Variants in CDH12 observed in about 807,000 individuals in gnomAD.
CDH12 encodes cadherin 12.
In CDH12, 41 loss-of-function variants were observed where a neutral mutation model predicts 74.1. The observed-to-expected ratio is 0.55, with a 90% CI of 0.43 to 0.72. CDH12 has a LOEUF of 0.72. CDH12 is among the 30% of genes least tolerant of loss of function. The probability of loss-of-function intolerance (pLI) is 0.00; values close to 1 mark genes in which losing one functional copy is unlikely to be tolerated. For synonymous variants in CDH12, 399 were observed against 355.0 expected (o/e 1.12, Z -1.39); for missense variants, 945 against 977.2 (o/e 0.97, Z 0.44).
At chr5:22,017,890 G>T (rs866500601) in intron 5 of CDH12, among the ~76,000 whole-genome samples, 4 of 151,748 alleles carry the variant, frequency 2.6e-5, no homozygotes, top group African/African-American at 9.7e-5. Context: ...CTCCCGAGTA[G>T]CTGGGATTAA....
chr5:22,661,884 T>A (rs1231190527), intron 1 of CDH12, among the ~76,000 whole-genome samples: 2 of 152,168 alleles, frequency 1.3e-5, no homozygotes, highest in Non-Finnish European at 2.9e-5. Context: ...ATTGCTTGAA[T>A]GTATACAAAT....
intron 4 of CDH12, among the ~76,000 whole-genome samples, chr5:22,090,495 A>T (rs1454548711): frequency 1.3e-5 from 2 of 151,586 alleles, no homozygotes; most frequent in East Asian, 3.9e-4. Context: ...ACTCAAAAAA[A>T]AAAAAAAGAA....
intron 1 of CDH12, among the ~76,000 whole-genome samples, chr5:22,694,168 A>T (rs773608513): frequency 1.5e-4 from 23 of 152,282 alleles, no homozygotes; most frequent in Admixed American, 8.5e-4. Flanking sequence ...TCTTTCATCA[A>T]TATAAAACAA....
intron 1 of CDH12, among the ~76,000 whole-genome samples, chr5:22,808,929 G>A (rs1264593378): frequency 6.6e-6 from 1 of 151,632 alleles, no homozygotes; most frequent in Non-Finnish European, 1.5e-5. Flanking sequence ...TTTTCTAACA[G>A]CCAAGTCTTC....
chr5:22,765,778 T>G (rs1271829655), intron 1 of CDH12, among the ~76,000 whole-genome samples: 1 of 151,948 alleles, frequency 6.6e-6, no homozygotes, highest in Non-Finnish European at 1.5e-5. Flanking sequence ...GCAAATATCA[T>G]GTATTTGCTT....
At chr5:21,923,569 T>C (rs1459346367) in intron 6 of CDH12, among the ~76,000 whole-genome samples, 1 of 152,168 alleles carries the variant, frequency 6.6e-6, no homozygotes, top group African/African-American at 2.4e-5. Context: ...GTATCTGTTA[T>C]GTTTCTTTAT....
intron 1 of CDH12, among the ~76,000 whole-genome samples, chr5:22,523,868 C>A (rs1178594704): frequency 2.0e-5 from 3 of 152,080 alleles, no homozygotes; most frequent in Admixed American, 6.5e-5. Context: ...GGATTTAAGT[C>A]AGATCTCATT....
chr5:22,683,257 T>C (rs1182952743), intron 1 of CDH12, among the ~76,000 whole-genome samples: 1 of 152,186 alleles, frequency 6.6e-6, no homozygotes, highest in Non-Finnish European at 1.5e-5. Context: ...ATTTCTTCTA[T>C]GCTGAAATCC....
intron 1 of CDH12, among the ~76,000 whole-genome samples, chr5:22,816,358 T>C (rs562221948): frequency 1.3e-5 from 2 of 152,282 alleles, no homozygotes; most frequent in East Asian, 3.9e-4. Flanking sequence ...CTTACAGGTC[T>C]ATTTCTTCCT....
In CDH12 at chr5:21,823,093, T is replaced by C. The variant is rs189318767; in HGVS notation, c.815-5961A>G. ...TCATGGAATGACAAGGAAAAACACA[T>C]AAACAAAAAGACAAGTGTTTTTCTT... is the stretch of plus-strand genomic sequence containing the variant. On this transcript the variant is annotated intron_variant, in intron 8 of 14. Coordinates refer to ENST00000382254, the MANE Select transcript of CDH12 (RefSeq NM_004061.5). 1.4e-3 allele frequency among the ~76,000 whole-genome samples: 207 copies of C among 152,158 alleles called. 1 individual carries two copies. The Middle Eastern group carries it at 0.014, about 10-fold the overall frequency.
At chr5:22,614,190 T>C (rs1316789996) in intron 1 of CDH12, among the ~76,000 whole-genome samples, 1 of 152,148 alleles carries the variant, frequency 6.6e-6, no homozygotes, top group Non-Finnish European at 1.5e-5. Context: ...TACATATCTA[T>C]GATAAACCAA....
intron 4 of CDH12, among the ~76,000 whole-genome samples, chr5:22,107,646 C>A (rs1744554967): frequency 6.6e-6 from 1 of 151,920 alleles, no homozygotes; most frequent in South Asian, 2.1e-4. Flanking sequence ...ACTGAAAAAT[C>A]TTTTATATCA....
chr5:22,058,745 A>G (rs1740940329), intron 5 of CDH12, among the ~76,000 whole-genome samples: 2 of 146,482 alleles, frequency 1.4e-5, no homozygotes. Context: ...GAAAAAAAGG[A>G]AGGAAAGTGG....
chr5:22,176,900 C>T (rs1156664065), intron 4 of CDH12, among the ~76,000 whole-genome samples: 1 of 152,094 alleles, frequency 6.6e-6, no homozygotes, highest in Non-Finnish European at 1.5e-5. Context: ...TGCCCTTTCC[C>T]TCGATATCTT....
intron 6 of CDH12, among the ~76,000 whole-genome samples, chr5:21,963,794 T>C (rs1391282174): frequency 6.6e-6 from 1 of 152,088 alleles, no homozygotes; most frequent in Non-Finnish European, 1.5e-5. Context: ...GAGAAATAAA[T>C]GTATTTGTTT....
At chr5:22,137,195 G>A (rs1340633998) in intron 4 of CDH12, among the ~76,000 whole-genome samples, 1 of 151,894 alleles carries the variant, frequency 6.6e-6, no homozygotes, top group Middle Eastern at 3.2e-3. Context: ...AACACATATT[G>A]TTTGAACTTT....
intron 3 of CDH12, among the ~76,000 whole-genome samples, chr5:22,275,873 C>A (rs1736611897): frequency 6.6e-6 from 1 of 152,114 alleles, no homozygotes; most frequent in Non-Finnish European, 1.5e-5. Flanking sequence ...ACGACTAGTT[C>A]TTTGCCCAAT....
At chr5:22,688,120 G>A (rs1247977576) in intron 1 of CDH12, among the ~76,000 whole-genome samples, 2 of 151,964 alleles carry the variant, frequency 1.3e-5, no homozygotes, top group East Asian at 1.9e-4. Flanking sequence ...ACATAGTCCC[G>A]TTTCATTGTG....
At chr5:22,162,584 T>C (rs13179637) in intron 4 of CDH12, among the ~76,000 whole-genome samples, 1 of 152,146 alleles carries the variant, frequency 6.6e-6, no homozygotes, top group East Asian at 1.9e-4. Flanking sequence ...AAGAATCACA[T>C]GTGGCTTGCC....
Sources: gnomAD v4.1 joint callset for allele counts (sites outside exome capture counted in the v4.1 genomes callset) on GRCh38, gnomAD v4.1.1 for gene constraint, MANE v1.5 for transcripts, NCBI Gene and HGNC (gene_info 2026-07-23, HGNC 2026-07-21) for gene names.